The following MRGPRX2 variants were observed in gnomAD, a reference collection of about 807,000 sequenced individuals.
MRGPRX2 encodes mas-related G protein-coupled receptor member X2.
For synonymous variants in MRGPRX2, 183 were observed against 175.6 expected, an observed-to-expected ratio of 1.04 and a Z score of -0.33; for missense variants, 389 against 404.5, an observed-to-expected ratio of 0.96 and a Z score of 0.33.
At chr11:19,059,745 C>T (rs1454325202) in intron 1 of MRGPRX2, among the ~76,000 whole-genome samples, 1 of 152,200 alleles carries the variant, frequency 6.6e-6, no homozygotes, top group Non-Finnish European at 1.5e-5. Flanking sequence ...TCATGTCCAT[C>T]CTTCTCTACC....
In MRGPRX2 at chr11:19,059,533, A is replaced by G. The variant is rs1006525401; in HGVS notation, c.-26+1086T>C. ...CCCAATCCCTTTTTTTCCCAACCACATTCCATTCTCAAGGCATTTATGATG... is the reference window on the plus strand; with the variant it reads ...CCCAATCCCTTTTTTTCCCAACCACGTTCCATTCTCAAGGCATTTATGATG... On this transcript the variant is annotated intron_variant, in intron 1 of 1. Transcript: ENST00000329773. Among the ~76,000 whole-genome samples, 14 of 152,196 alleles carry G rather than the reference A, an allele frequency of 9.2e-5. 1 individual carries two copies. The highest frequency in any genetic ancestry group is 3.9e-4 in the Admixed American group (6 of 15,280).
Position 19,056,261 on chromosome 11 carries a change from T to C in MRGPRX2, c.142A>G (p.Asn48Asp). The change falls in exon 2 of 2, where the codon AAC becomes GAC. Residue 48 changes from asparagine (N) to aspartate (D), a missense_variant. Coordinates refer to ENST00000329773, the MANE Select transcript of MRGPRX2 (RefSeq NM_054030.4). ...CCCAGGAGCCAGAGCACAAACCCGT[T>C]TCCTACCAGCCCGACCAGGGCAATG... ...LFIALVGLVGNGFVLWLLGFR... is the reference protein window; with the variant it reads ...LFIALVGLVGDGFVLWLLGFR... 14 of 1,614,196 alleles carry C rather than the reference T, an allele frequency of 8.7e-6. No individual in the cohort carries two copies. The highest frequency in any genetic ancestry group is 1.6e-4 in the Middle Eastern group (1 of 6,062).
chr11:19,057,599 T>C (rs894191172), intron 1 of MRGPRX2, among the ~76,000 whole-genome samples: 90 of 152,236 alleles, frequency 5.9e-4, no homozygotes, highest in African/African-American at 2.0e-3. Flanking sequence ...GTGAACAGGA[T>C]TATTTGGGGA....
At chr11:19,057,029 C>A (rs1181899909) in intron 1 of MRGPRX2, among the ~76,000 whole-genome samples, 1 of 152,166 alleles carries the variant, frequency 6.6e-6, no homozygotes, top group African/African-American at 2.4e-5. Flanking sequence ...TTATCCATTT[C>A]TGTGTCCTCA....
intron 1 of MRGPRX2, among the ~76,000 whole-genome samples, chr11:19,059,792 C>T (rs768462163): frequency 6.6e-6 from 1 of 152,162 alleles, no homozygotes; most frequent in Non-Finnish European, 1.5e-5. Context: ...GTCTGTGCCT[C>T]GTCAATGGGC....
In MRGPRX2 at chr11:19,056,294, T is replaced by A. The variant is rs148669876; in HGVS notation, c.109A>T (p.Ile37Phe). 8 of 1,614,148 alleles carry A rather than the reference T, an allele frequency of 5.0e-6. No homozygotes were observed. In the South Asian group the frequency reaches 8.8e-5, roughly 18 times the overall value. The change falls in exon 2 of 2, where the codon ATC becomes TTC. Residue 37 changes from isoleucine to phenylalanine, a missense_variant. Transcript: ENST00000329773. ...AGCCCGACCAGGGCAATGAAAAGGA[T>A]CAGGAAGACCGGGATCAGGGTCTCC... ...GKETLIPVFL[I>F]LFIALVGLVG...
At chr11:19,057,167 A>G (rs772221000) in intron 1 of MRGPRX2, among the ~76,000 whole-genome samples, 1 of 152,200 alleles carries the variant, frequency 6.6e-6, no homozygotes, top group Non-Finnish European at 1.5e-5. Flanking sequence ...TAAGTGGAAC[A>G]CCAACATTTT....
chr11:19,057,340 A>G (rs1465413505), intron 1 of MRGPRX2, among the ~76,000 whole-genome samples: 2 of 152,208 alleles, frequency 1.3e-5, no homozygotes, highest in Non-Finnish European at 2.9e-5. Context: ...AGGAAGGGCT[A>G]GTATATGGCT....
chr11:19,058,377 C>T lies in MRGPRX2; in HGVS notation c.-25-1950G>A, dbSNP rs1849637228. 3.3e-5 allele frequency among the ~76,000 whole-genome samples: 5 copies of T among 151,976 alleles called. No individual in the cohort carries two copies. The South Asian group carries it at 1.0e-3, about 32-fold the overall frequency. On this transcript the variant is annotated intron_variant, in intron 1 of 1. Coordinates refer to ENST00000329773, the MANE Select transcript of MRGPRX2 (RefSeq NM_054030.4). ...CCACTTCTGTTGTCCTCCCTCAGGG[C>T]AGGTTGGCCTTTTTATTCGTGGCAC...
At position 19,055,468 on chromosome 11, in the gene MRGPRX2, T is replaced by G. The variant is rs1221194284; in HGVS notation, c.935A>C (p.His312Pro). The G allele has an allele frequency of 1.2e-6, 2 of 1,613,518 alleles. No homozygotes were observed. Among genetic ancestry groups the G allele is most frequent in the Non-Finnish European group, 1.7e-6 (2 of 1,179,472 alleles). ...GCCCTGACGGAAGCATCCTTCACTG[T>G]GATCCACCTCAGCAATGTCCTGCAG... is the stretch of plus-strand genomic sequence containing the variant. ...RALQDIAEVD[H>P]SEGCFRQGTP... The change falls in exon 2 of 2, where the codon CAC becomes CCC. Residue 312 changes from histidine (H) to proline (P), a missense_variant. His to Pro is a moderately conservative substitution (Grantham distance 77). Coordinates refer to ENST00000329773, the MANE Select transcript of MRGPRX2 (RefSeq NM_054030.4).
intron 1 of MRGPRX2, among the ~76,000 whole-genome samples, chr11:19,060,180 A>T (rs1299782873): frequency 6.6e-6 from 1 of 152,232 alleles, no homozygotes; most frequent in Non-Finnish European, 1.5e-5. Context: ...CGTTGTAAAC[A>T]GTCTCTTCAC....
Position 19,056,258 on chromosome 11 carries a change from C to A in MRGPRX2, c.145G>T (p.Gly49Trp). 1 of 1,614,234 alleles carries A rather than the reference C, an allele frequency of 6.2e-7. No individual in the cohort carries two copies. Among genetic ancestry groups the A allele is most frequent in the Non-Finnish European group, 8.5e-7 (1 of 1,180,040 alleles). ...FIALVGLVGN[G>W]FVLWLLGFRM... ...AAGCCCAGGAGCCAGAGCACAAACC[C>A]GTTTCCTACCAGCCCGACCAGGGCA... is the stretch of plus-strand genomic sequence containing the variant. Residue 49 changes from glycine (G) to tryptophan (W), a missense_variant, in exon 2 of 2, where the codon GGG (glycine) becomes TGG (tryptophan). Physicochemically the swap from Gly to Trp is radical, Grantham distance 184. Transcript: ENST00000329773.
intron 1 of MRGPRX2, among the ~76,000 whole-genome samples, chr11:19,059,077 C>A (rs1849644692): frequency 6.6e-6 from 1 of 152,180 alleles, no homozygotes; most frequent in Non-Finnish European, 1.5e-5. Flanking sequence ...ATAGAGACTG[C>A]TTGTTGCCCC....
chr11:19,055,691 G>T lies in MRGPRX2; in HGVS notation c.712C>A (p.Pro238Thr). The T allele has an allele frequency of 1.2e-6, 2 of 1,614,122 alleles. No individual in the cohort carries two copies. The highest frequency in any genetic ancestry group is 1.7e-6 in the Non-Finnish European group (2 of 1,180,022). ...ATTAGGAACCACTGAATGCCAAAGGGCAGGCCGCAGAGGAGGAACACCAGC... is the reference window on the plus strand; with the variant it reads ...ATTAGGAACCACTGAATGCCAAAGGTCAGGCCGCAGAGGAGGAACACCAGC... ...TVLVFLLCGL[P>T]FGIQWFLILW... Residue 238 changes from proline (P) to threonine (T), a missense_variant, in exon 2 of 2, where the codon CCC becomes ACC. By Grantham distance (38) the Pro-to-Thr change is conservative. Transcript: ENST00000329773.
Position 19,055,911 on chromosome 11 carries a change from T to A in MRGPRX2, c.492A>T (p.Glu164Asp). Reference protein sequence around the residue: ...WALSLLLSILEGKFCGFLFSD... With the variant: ...WALSLLLSILDGKFCGFLFSD... ...TAAATAAGAAGCCACAGAACTTCCC[T>A]TCCAAGATGCTCAGCAGTAGGGACA... Residue 164 changes from glutamate to aspartate, a missense_variant, in exon 2 of 2, where the codon GAA becomes GAT. By Grantham distance (45) the Glu-to-Asp change is conservative (BLOSUM62 2). Coordinates refer to ENST00000329773, the MANE Select transcript of MRGPRX2 (RefSeq NM_054030.4). 1 of 1,614,158 alleles carries A rather than the reference T, an allele frequency of 6.2e-7. No homozygotes were observed. The highest frequency in any genetic ancestry group is 8.5e-7 in the Non-Finnish European group (1 of 1,180,034).
rs2133313465 is a variant in MRGPRX2, at chr11:19,055,355, G to A, written c.*55C>T. 6.5e-7 allele frequency: 1 copy of A among 1,527,832 alleles called. No homozygotes were observed. The highest frequency in any genetic ancestry group is 1.4e-5 in the African/African-American group (1 of 72,266). The allele number at this position is 1,527,832 out of a possible 1,614,324, so 94.6% of individuals were successfully genotyped here. A position where few individuals can be genotyped will look rare whatever the true frequency, so the allele number is the denominator to read the frequency against. On this transcript the variant is annotated 3_prime_UTR_variant, in exon 2 of 2. Transcript: ENST00000329773. The stretch of plus-strand genomic sequence containing the variant: ...AGTTCAGCAAATCAGACAGACAGGG[G>A]CAAAGTTGCCTCTCAAAGCCACATA...
intron 1 of MRGPRX2, among the ~76,000 whole-genome samples, chr11:19,057,560 T>A (rs1366664495): frequency 6.6e-6 from 1 of 152,182 alleles, no homozygotes; most frequent in African/African-American, 2.4e-5. Flanking sequence ...CCAGATGATT[T>A]TGAGCTTTCT....
At chr11:19,056,990 G>C (rs1849626359) in intron 1 of MRGPRX2, among the ~76,000 whole-genome samples, 1 of 152,186 alleles carries the variant, frequency 6.6e-6, no homozygotes. Context: ...CAGTGGGTCA[G>C]CTTTATGAAA....
Position 19,055,582 on chromosome 11 carries a change from G to T in MRGPRX2, c.821C>A (p.Ala274Asp), listed in dbSNP as rs772700359. Reference protein sequence around the residue: ...SVVLSSLNSSANPIIYFFVGS... With the variant: ...SVVLSSLNSSDNPIIYFFVGS... ...CACGAAGAAGTAAATGATGGGGTTG[G>T]CACTGCTGTTAAGAGATGACAGGAC... The change falls in exon 2 of 2, where the codon GCC becomes GAC. Residue 274 changes from alanine to aspartate, a missense_variant. Physicochemically the swap from Ala to Asp is moderately radical, Grantham distance 126. Coordinates refer to ENST00000329773, the MANE Select transcript of MRGPRX2 (RefSeq NM_054030.4). The T allele has an allele frequency of 1.9e-6, 3 of 1,614,064 alleles. No individual in the cohort carries two copies. The African/African-American group carries it at 4.0e-5, about 22-fold the overall frequency.
Sources: gnomAD v4.1 joint callset for allele counts (sites outside exome capture counted in the v4.1 genomes callset) on GRCh38, gnomAD v4.1.1 for gene constraint, MANE v1.5 for transcripts, NCBI Gene and HGNC (gene_info 2026-07-23, HGNC 2026-07-21) for gene names.